ANXA10: variants seen among roughly 807,000 people sequenced by gnomAD.
The protein encoded by ANXA10 is annexin 14.
ANXA10 carries 49 observed loss-of-function variants against 53.5 expected under a neutral mutation model. The ratio of observed to expected loss-of-function variants is 0.92; its 90% CI spans 0.73 to 1.16. The LOEUF (loss-of-function observed/expected upper bound fraction) is 1.16. ANXA10 is among the 50% of genes most tolerant of loss of function. ANXA10 has a pLI of 0.00. For synonymous variants in ANXA10, 131 were observed against 128.9 expected (o/e 1.02, Z -0.11); for missense variants, 393 against 394.4 (o/e 1.00, Z 0.03).
chr4:168,156,198 A>ATTATATTATATATTATATATTATATATT lies in ANXA10; in HGVS notation c.196-6330_196-6329insTTATATTATATATTATATATTATATATT, dbSNP rs1491176698. ...ATATTATATATTATATATTATATAT[A>ATTATATTATATATTATATATTATATATT]ATATATATTATATTATATGTAATAT... is the stretch of plus-strand genomic sequence containing the variant. On this transcript the variant is annotated intron_variant, in intron 3 of 11. Coordinates refer to ENST00000359299, the MANE Select transcript of ANXA10 (RefSeq NM_007193.5). 4.2e-4 allele frequency among the ~76,000 whole-genome samples: 5 copies of ATTATATTATATATTATATATTATATATT among 12,036 alleles called. No homozygotes were observed. In the Admixed American group the frequency reaches 6.7e-3, roughly 16 times the overall value. The allele number at this position is 12,036 out of a possible 152,430, so 7.9% of individuals were successfully genotyped here. A position where few individuals can be genotyped will look rare whatever the true frequency, so the allele number is the denominator to read the frequency against.
chr4:168,105,122 CT>C (rs1165907486), intron 1 of ANXA10, among the ~76,000 whole-genome samples: 2 of 150,662 alleles, frequency 1.3e-5, no homozygotes, highest in Non-Finnish European at 3.0e-5. Flanking sequence ...TTTTTTTTAA[CT>C]TTTATTTTGA....
At chr4:168,181,322 C>T (rs1362270039) in intron 9 of ANXA10, among the ~76,000 whole-genome samples, 1 of 145,544 alleles carries the variant, frequency 6.9e-6, no homozygotes, top group Non-Finnish European at 1.5e-5. Flanking sequence ...ACCCGGGAGG[C>T]GGAGCTTGCA....
intron 3 of ANXA10, among the ~76,000 whole-genome samples, chr4:168,151,262 C>G (rs981451657): frequency 5.3e-5 from 8 of 151,922 alleles, no homozygotes; most frequent in African/African-American, 1.9e-4. Context: ...ATAGAAAAAG[C>G]CATATAAGTG....
At chr4:168,099,723 T>C (rs1730610941) in intron 1 of ANXA10, among the ~76,000 whole-genome samples, 1 of 152,126 alleles carries the variant, frequency 6.6e-6, no homozygotes, top group African/African-American at 2.4e-5. Flanking sequence ...AGATATTCAA[T>C]GACTTCTAAT....
At chr4:168,115,629 G>A (rs763519541) in intron 1 of ANXA10, among the ~76,000 whole-genome samples, 24 of 151,742 alleles carry the variant, frequency 1.6e-4, no homozygotes, top group Non-Finnish European at 2.6e-4. Context: ...AAATGGAAAC[G>A]TTTTTGTTCA....
At chr4:168,180,140 C>T (rs1356703960) in intron 9 of ANXA10, among the ~76,000 whole-genome samples, 1 of 152,032 alleles carries the variant, frequency 6.6e-6, no homozygotes, top group Non-Finnish European at 1.5e-5. Context: ...GTAAAGAAGT[C>T]TCAAGCTAGG....
rs781005742 is a variant in ANXA10 at position 168,187,394 on chromosome 4, C to T, written c.935C>T (p.Ala312Val). ...TTTGCTTCAGGGCATTATAAGAAAG[C>T]ACTGCTTGCCATCTGTGCTGGTGAT... The part of the protein sequence containing the change: ...RNFASGHYKK[A>V]LLAICAGDAE... Residue 312 changes from alanine to valine, a missense_variant, in exon 12 of 12, where the codon GCA becomes GTA. Ala to Val is a moderately conservative substitution (Grantham distance 64). Transcript: ENST00000359299. 49 of 1,598,626 alleles carry T rather than the reference C, an allele frequency of 3.1e-5. No homozygotes were observed. Among genetic ancestry groups the T allele is most frequent in the Middle Eastern group, 3.3e-4 (2 of 5,996 alleles).
chr4:168,163,538 T>C (rs1050327462), intron 4 of ANXA10, among the ~76,000 whole-genome samples: 1 of 152,202 alleles, frequency 6.6e-6, no homozygotes, highest in Non-Finnish European at 1.5e-5. Flanking sequence ...CAAAATTATG[T>C]CTAAAAATTA....
At chr4:168,127,506 C>A (rs372093804) in intron 1 of ANXA10, among the ~76,000 whole-genome samples, 1 of 151,990 alleles carries the variant, frequency 6.6e-6, no homozygotes, top group Non-Finnish European at 1.5e-5. Context: ...CAATATGGTA[C>A]CCTTTTTCAG....
chr4:168,171,767 G>A (rs1028500296), intron 6 of ANXA10, among the ~76,000 whole-genome samples: 5 of 152,102 alleles, frequency 3.3e-5, no homozygotes, highest in African/African-American at 1.2e-4. Context: ...TTATTACACA[G>A]ATTTATGAAA....
intron 2 of ANXA10, among the ~76,000 whole-genome samples, chr4:168,135,896 T>A (rs117121678): frequency 1.3e-5 from 2 of 152,308 alleles, no homozygotes; most frequent in East Asian, 3.9e-4. Context: ...CTACATAATT[T>A]ATAAAGAAAA....
rs141711659 is a variant in ANXA10 at position 168,140,052 on chromosome 4, C to T, written c.195+472C>T. On this transcript the variant is annotated intron_variant, in intron 3 of 11. Coordinates refer to ENST00000359299, the MANE Select transcript of ANXA10 (RefSeq NM_007193.5). ...ATTCTCTACCAGCTTTTCCTTTCAC[C>T]AGCATGCAGCTATAGAGACCATTAA... Among the ~76,000 whole-genome samples, 46 of 152,276 alleles carry T rather than the reference C, an allele frequency of 3.0e-4. No individual in the cohort carries two copies. The Middle Eastern group carries it at 0.02, about 68-fold the overall frequency.
chr4:168,170,161 A>T (rs1242127466), intron 6 of ANXA10, among the ~76,000 whole-genome samples: 2 of 152,102 alleles, frequency 1.3e-5, no homozygotes, highest in Non-Finnish European at 2.9e-5. Flanking sequence ...CATATATTTT[A>T]AAATAACACA....
intron 6 of ANXA10, among the ~76,000 whole-genome samples, chr4:168,169,182 C>A (rs1260450553): frequency 6.6e-6 from 1 of 152,026 alleles, no homozygotes; most frequent in Admixed American, 6.6e-5. Flanking sequence ...AAAATAATCT[C>A]GATTGACAAG....
chr4:168,092,773 TA>T, intron 1 of ANXA10, 55 bp downstream of exon 1: 1 of 1,439,090 alleles, frequency 6.9e-7, no homozygotes. Flanking sequence ...ACTTGATTTA[TA>T]AAATTTCATT....
intron 3 of ANXA10, among the ~76,000 whole-genome samples, chr4:168,155,210 C>A (rs941933568): frequency 2.7e-5 from 4 of 149,476 alleles, no homozygotes; most frequent in Non-Finnish European, 5.9e-5. Flanking sequence ...TTCCACGAAC[C>A]TTCATTTTAT....
intron 6 of ANXA10, among the ~76,000 whole-genome samples, chr4:168,171,031 T>C (rs1191804805): frequency 6.6e-6 from 1 of 152,172 alleles, no homozygotes; most frequent in Non-Finnish European, 1.5e-5. Context: ...GGCTTCTCAG[T>C]TTGGAACCAC....
intron 1 of ANXA10, among the ~76,000 whole-genome samples, chr4:168,112,556 T>G (rs1038517473): frequency 3.9e-5 from 6 of 152,162 alleles, no homozygotes; most frequent in Non-Finnish European, 5.9e-5. Flanking sequence ...ATAACCAAAT[T>G]TAATACATTA....
intron 6 of ANXA10, among the ~76,000 whole-genome samples, chr4:168,176,108 G>T (rs906872264): frequency 9.9e-5 from 15 of 152,058 alleles, no homozygotes; most frequent in African/African-American, 3.6e-4. Flanking sequence ...GTGTGTGTGT[G>T]GTTAATGAAC....
Sources: gnomAD v4.1 joint callset for allele counts (sites outside exome capture counted in the v4.1 genomes callset) on GRCh38, gnomAD v4.1.1 for gene constraint, MANE v1.5 for transcripts, NCBI Gene and HGNC (gene_info 2026-07-23, HGNC 2026-07-21) for gene names.